DGAT1: variants seen among roughly 807,000 people sequenced by gnomAD.
The protein encoded by DGAT1 is diacylglycerol O-acyltransferase 1.
In DGAT1, 60 loss-of-function variants were observed where a neutral mutation model predicts 72.6. That is an observed-to-expected ratio of 0.83 (90% CI 0.67 to 1.02). DGAT1 has a LOEUF of 1.02. Ranked by LOEUF, DGAT1 falls within the 50% of genes least tolerant of loss-of-function variation. The pLI, the probability that DGAT1 is intolerant of heterozygous loss-of-function variation, is 0.00. For synonymous variants in DGAT1, 290 were observed against 267.5 expected (o/e 1.08, Z -0.82); for missense variants, 592 against 670.0 (o/e 0.88, Z 1.29).
Position 144,318,546 on chromosome 8 carries a change from C to T in DGAT1, c.489G>A (p.Ala163=), listed in dbSNP as rs1020165188. 1.7e-5 allele frequency: 28 copies of T among 1,611,942 alleles called. No individual in the cohort carries two copies. The highest frequency in any genetic ancestry group is 1.0e-4 in the Admixed American group (6 of 59,916). Residue 163 remains alanine, a synonymous_variant, in exon 6 of 17, where the codon GCG becomes GCA. Transcript: ENST00000528718. ...RLAVGALTEQ[A]GLLLHVANLA... ...GGTTGGCCACGTGCAGCAGCAGTCC[C>T]GCCTGCTCCGTCAGGGCACCCTGGA...
chr8:144,316,894 G>A lies in DGAT1; in HGVS notation c.1270C>T (p.Arg424Ter), dbSNP rs782420668. 1.6e-5 allele frequency: 25 copies of A among 1,612,038 alleles called. No individual in the cohort carries two copies. The highest frequency in any genetic ancestry group is 3.3e-5 in the South Asian group (3 of 90,894). Reference protein sequence around the residue: ...FHEYLVSVPLRMFRLWAFTGM... With the variant: ...FHEYLVSVPL ...GTGAACGCCCAGAGGCGGAACATTCGCAGAGGGACGCTCACCAGGTACTGA... is the reference window on the plus strand; with the variant it reads ...GTGAACGCCCAGAGGCGGAACATTCACAGAGGGACGCTCACCAGGTACTGA... Residue 424 changes from arginine (R) to a stop codon, truncating the protein, a stop_gained, in exon 16 of 17, where the codon CGA (arginine) becomes TGA (stop). Transcript: ENST00000528718. LOFTEE classifies it high-confidence loss of function.
chr8:144,321,746 G>A (rs1554848190), intron 1 of DGAT1, among the ~76,000 whole-genome samples: 1 of 152,258 alleles, frequency 6.6e-6, no homozygotes, highest in African/African-American at 2.4e-5. Flanking sequence ...ATGTACTCTG[G>A]CTGTGGACTA....
intron 1 of DGAT1, among the ~76,000 whole-genome samples, chr8:144,322,762 G>T (rs1554848329): frequency 6.6e-6 from 1 of 152,098 alleles, no homozygotes; most frequent in African/African-American, 2.4e-5. Flanking sequence ...GCTCCACCCA[G>T]CCCCTGCCTC....
intron 1 of DGAT1, 83 bp from the exon 2 acceptor site, chr8:144,321,491 G>T: frequency 7.8e-7 from 1 of 1,280,626 alleles, no homozygotes; most frequent in Non-Finnish European, 1.1e-6. Context: ...CCCCACCCCA[G>T]TGTCCTCGTC....
At chr8:144,323,082 G>A (rs1451208767) in intron 1 of DGAT1, among the ~76,000 whole-genome samples, 8 of 152,132 alleles carry the variant, frequency 5.3e-5, no homozygotes, top group African/African-American at 1.7e-4. Context: ...CCCCAAGTTC[G>A]AGCCCATTTG....
intron 1 of DGAT1, 30 bp downstream of exon 1, chr8:144,326,407 C>T: frequency 2.9e-6 from 4 of 1,390,522 alleles, no homozygotes; most frequent in Non-Finnish European, 2.8e-6. Flanking sequence ...GCCCTTGGGT[C>T]AGAGGTTAGG....
At chr8:144,322,261 C>T (rs571458798) in intron 1 of DGAT1, among the ~76,000 whole-genome samples, 8 of 152,336 alleles carry the variant, frequency 5.3e-5, no homozygotes, top group East Asian at 3.9e-4. Context: ...GGCCCCCACA[C>T]GTCCTAGGAA....
intron 1 of DGAT1, among the ~76,000 whole-genome samples, chr8:144,325,917 T>A (rs1363285010): frequency 1.3e-5 from 2 of 152,128 alleles, no homozygotes; most frequent in Non-Finnish European, 2.9e-5. Context: ...AGAACGCCTC[T>A]AACACTGCCC....
Position 144,326,557 on chromosome 8 carries a change from G to A in DGAT1, c.80C>T (p.Ala27Val), listed in dbSNP as rs1554848809. 2 of 1,255,702 alleles carry A rather than the reference G, an allele frequency of 1.6e-6. No individual in the cohort carries two copies. The highest frequency in any genetic ancestry group is 1.0e-6 in the Non-Finnish European group (1 of 1,001,516). The allele number at this position is 1,255,702 out of a possible 1,614,324, so 77.8% of individuals were successfully genotyped here. Residue 27 changes from alanine (A) to valine (V), a missense_variant, in exon 1 of 17, where the codon GCG (alanine) becomes GTG (valine). Physicochemically the swap from Ala to Val is moderately conservative, Grantham distance 64. Transcript: ENST00000528718. ...AGCGGCGTCCCGCACCTCCTCTTCC[G>A]CCGCCGCAGGCCCGCCGCCGCCGTG... ...SSHGGGGPAA[A>V]EEEVRDAAAG...
In DGAT1 at chr8:144,315,103, G is replaced by A. The variant is rs1817151797; in HGVS notation, c.*1451C>T. 1 of 985,426 alleles carries A rather than the reference G, an allele frequency of 1.0e-6. No individual in the cohort carries two copies. The highest frequency in any genetic ancestry group is 1.7e-5 in the African/African-American group (1 of 57,242). The allele number at this position is 985,426 out of a possible 1,614,324, so 61.0% of individuals were successfully genotyped here. A position where few individuals can be genotyped will look rare whatever the true frequency, so the allele number is the denominator to read the frequency against. On this transcript the variant is annotated 3_prime_UTR_variant, in exon 17 of 17. Transcript: ENST00000528718. ...GCTTTAGGGTTCTCCACTCAGCCTG[G>A]TGGAGGAAGGGAAGGGGGCCTGCGC...
At chr8:144,318,071 C>T (rs2130518608) in intron 8 of DGAT1, 24 bp downstream of exon 8, 1 of 1,521,936 alleles carries the variant, frequency 6.6e-7, no homozygotes, top group East Asian at 2.3e-5. Flanking sequence ...GTCCCCCGCA[C>T]CTCAGGCCCA....
intron 2 of DGAT1, 123 bp downstream of exon 2, chr8:144,321,198 C>A: frequency 2.2e-6 from 2 of 923,224 alleles, no homozygotes; most frequent in Non-Finnish European, 3.5e-6. Context: ...CTCCACACAC[C>A]CCAGCCCACA....
rs773603176 is a variant in DGAT1 at position 144,321,998 on chromosome 8, C to T, written c.201-590G>A. ...AGGCAGGGATCCAGCCCTCGTGTGCCGGTGTAGCCTCCACTTGTTTGTGAT... is the reference window on the plus strand; with the variant it reads ...AGGCAGGGATCCAGCCCTCGTGTGCTGGTGTAGCCTCCACTTGTTTGTGAT... On this transcript the variant is annotated intron_variant, in intron 1 of 16. Coordinates refer to ENST00000528718, the MANE Select transcript of DGAT1 (RefSeq NM_012079.6). Among the ~76,000 whole-genome samples the T allele has an allele frequency of 2.2e-4, 34 of 152,346 alleles. 1 individual carries two copies. Among genetic ancestry groups the T allele is most frequent in the South Asian group, 6.2e-4 (3 of 4,830 alleles).
rs1469615841 is a variant in DGAT1, at chr8:144,318,821, A to G, written c.415+14T>C. On this transcript the variant is annotated intron_variant, in intron 4 of 16. Transcript: ENST00000528718. ...CTGATCCCCACCCGAGGCCCTCCTCAGAGCCCAGCTCACCAATAACCAGGC... is the reference window on the plus strand; with the variant it reads ...CTGATCCCCACCCGAGGCCCTCCTCGGAGCCCAGCTCACCAATAACCAGGC... 6.2e-7 allele frequency: 1 copy of G among 1,610,570 alleles called. No homozygotes were observed. The highest frequency in any genetic ancestry group is 8.5e-7 in the Non-Finnish European group (1 of 1,178,568).
Position 144,317,545 on chromosome 8 carries a change from G to A in DGAT1, c.980C>T (p.Ala327Val), listed in dbSNP as rs782806278. 7 of 1,613,848 alleles carry A rather than the reference G, an allele frequency of 4.3e-6. No individual in the cohort carries two copies. Among genetic ancestry groups the A allele is most frequent in the South Asian group, 1.1e-5 (1 of 91,084 alleles). The change falls in exon 12 of 17, where the codon GCG becomes GTG. Residue 327 changes from alanine (A) to valine (V), a missense_variant and splice_region_variant. Physicochemically the swap from Ala to Val is moderately conservative, Grantham distance 64 (BLOSUM62 0). Coordinates refer to ENST00000528718, the MANE Select transcript of DGAT1 (RefSeq NM_012079.6). ...SRIIERLLKL[A>V]VPNHLIWLIF... The stretch of plus-strand genomic sequence containing the variant: ...CATGCGCCACCTGTCCGCACTCACC[G>A]CCAGCTTCAGGAGGCGCTCGATGAT...
chr8:144,317,220 TTC>T lies in DGAT1; in HGVS notation c.1125_1126del (p.Asn376LeufsTer106), dbSNP rs1817268091. 6.2e-7 allele frequency: 1 copy of T among 1,610,376 alleles called. No homozygotes were observed. Among genetic ancestry groups the T allele is most frequent in the Non-Finnish European group, 8.5e-7 (1 of 1,177,508 alleles). Reference sequence around the variant, plus strand: ...CCACTTGTGCACAGGGATGTTCCAGTTCTGCCAGAAGTAGGTGACAGACTCGG... The same window carrying T: ...CCACTTGTGCACAGGGATGTTCCAGTTGCCAGAAGTAGGTGACAGACTCGG... On this transcript the variant is annotated frameshift_variant, in exon 14 of 17. Coordinates refer to ENST00000528718, the MANE Select transcript of DGAT1 (RefSeq NM_012079.6). LOFTEE classifies it high-confidence loss of function.
In DGAT1 at chr8:144,318,583, A is replaced by C. The variant is rs1282045705; in HGVS notation, c.469-17T>G. 1.2e-6 allele frequency: 2 copies of C among 1,610,076 alleles called. No homozygotes were observed. Among genetic ancestry groups the C allele is most frequent in the East Asian group, 4.5e-5 (2 of 44,806 alleles). Reference sequence around the variant, plus strand: ...CAGGGCACCCTGGAGTGGGGAGCAGAGCACTCAACCAGGGCTCCCATTGCC... The same window carrying C: ...CAGGGCACCCTGGAGTGGGGAGCAGCGCACTCAACCAGGGCTCCCATTGCC... On this transcript the variant is annotated splice_polypyrimidine_tract_variant and intron_variant, in intron 5 of 16. Coordinates refer to ENST00000528718, the MANE Select transcript of DGAT1 (RefSeq NM_012079.6).
rs782252387 is a variant in DGAT1 at position 144,317,496 on chromosome 8, G to T, written c.981+48C>A. On this transcript the variant is annotated intron_variant, in intron 12 of 16. Transcript: ENST00000528718. ...CAAGTTCTAGAACCTTCCCCCACAT[G>T]CCACTGTCCCCTCCTGTCCTGTGCA... 6.2e-6 allele frequency: 10 copies of T among 1,613,568 alleles called. No homozygotes were observed. In the African/African-American group the frequency reaches 1.3e-4, roughly 22 times the overall value.
chr8:144,314,623 C>G lies in DGAT1; in HGVS notation c.*1931G>C. On this transcript the variant is annotated 3_prime_UTR_variant, in exon 17 of 17. Transcript: ENST00000528718. ...AATTGTATTTTGGATTTTTACACAA[C>G]TGTCCCGTTCCCCGCTCCACAGAGA... The G allele has an allele frequency of 2.1e-6, 1 of 481,850 alleles. No individual in the cohort carries two copies. 29.8% of individuals were successfully genotyped at this position (481,850 alleles called of 1,614,324 possible).
Sources: gnomAD v4.1 joint callset for allele counts (sites outside exome capture counted in the v4.1 genomes callset) on GRCh38, gnomAD v4.1.1 for gene constraint, MANE v1.5 for transcripts, NCBI Gene and HGNC (gene_info 2026-07-23, HGNC 2026-07-21) for gene names.